Variants in TENM2 observed in about 807,000 individuals in gnomAD.
TENM2 encodes teneurin transmembrane protein 2, also known as teneurin-2.
TENM2 carries 52 observed loss-of-function variants against 245.2 expected under a neutral mutation model. That is an observed-to-expected ratio of 0.21 (90% CI 0.17 to 0.27). The LOEUF (loss-of-function observed/expected upper bound fraction) is 0.27, where lower values mean the gene tolerates loss of function less well. Among genes scored for constraint, TENM2 ranks in the 10% least tolerant of loss-of-function variants. The pLI is 1.00. For missense variants in TENM2, 3,046 were observed against 3,666.8 expected, an observed-to-expected ratio of 0.83 and a Z score of 4.37; for synonymous variants, 1,363 against 1,438.9, an observed-to-expected ratio of 0.95 and a Z score of 1.19.
intron 2 of TENM2, among the ~76,000 whole-genome samples, chr5:167,577,922 G>A (rs909291173): frequency 3.3e-5 from 5 of 152,230 alleles, no homozygotes; most frequent in African/African-American, 7.2e-5. Context: ...AAAGGTCGCT[G>A]CAGGTTGAGA....
intron 7 of TENM2, among the ~76,000 whole-genome samples, chr5:168,086,801 A>T (rs1327729450): frequency 6.6e-6 from 1 of 152,210 alleles, no homozygotes. Context: ...CCCCAATACT[A>T]AGCCTGAGTT....
chr5:167,804,311 C>A (rs1334933268), intron 2 of TENM2, among the ~76,000 whole-genome samples: 1 of 151,846 alleles, frequency 6.6e-6, no homozygotes, highest in South Asian at 2.1e-4. Context: ...AAAAGATAAC[C>A]CTTTCTTGCC....
At chr5:167,739,655 C>T (rs1208248207) in intron 2 of TENM2, among the ~76,000 whole-genome samples, 1 of 152,174 alleles carries the variant, frequency 6.6e-6, no homozygotes, top group Non-Finnish European at 1.5e-5. Context: ...TTCAAGGAAG[C>T]AGTAAGGACC....
At chr5:167,238,658 A>G in the TENM2 span, among the ~76,000 whole-genome samples, 14 of 150,458 alleles carry the variant, frequency 9.3e-5, no homozygotes, top group African/African-American at 3.2e-4. Context: ...GAATGACTAG[A>G]TAAGTTGGCC....
the TENM2 span, among the ~76,000 whole-genome samples, chr5:167,270,079 G>A: frequency 6.6e-6 from 1 of 152,272 alleles, no homozygotes. Context: ...ATTTAAGAAT[G>A]AGTGATGTAG....
intron 7 of TENM2, among the ~76,000 whole-genome samples, chr5:168,080,174 G>C (rs192670320): frequency 3.3e-5 from 5 of 152,172 alleles, no homozygotes; most frequent in East Asian, 1.9e-4. Flanking sequence ...TGTGTGTGTC[G>C]AGGAATTTAT....
chr5:167,685,508 G>T (rs1179845001), intron 2 of TENM2, among the ~76,000 whole-genome samples: 1 of 152,064 alleles, frequency 6.6e-6, no homozygotes, highest in Non-Finnish European at 1.5e-5. Flanking sequence ...CATGCTGTGG[G>T]AGGAAATGTA....
the TENM2 span, among the ~76,000 whole-genome samples, chr5:167,077,103 A>G: frequency 6.6e-6 from 1 of 152,130 alleles, no homozygotes; most frequent in Non-Finnish European, 1.5e-5. Flanking sequence ...TGGGATTACA[A>G]CCATGAGCCA....
intron 2 of TENM2, among the ~76,000 whole-genome samples, chr5:167,580,708 G>A (rs919182787): frequency 2.0e-5 from 3 of 152,254 alleles, no homozygotes; most frequent in Admixed American, 2.0e-4. Context: ...CAAAACTTGA[G>A]GCTGGGCTCA....
chr5:167,282,730 G>A (rs919747150), upstream of TENM2, among the ~76,000 whole-genome samples: 3 of 152,114 alleles, frequency 2.0e-5, no homozygotes, highest in Non-Finnish European at 2.9e-5. Context: ...GACTTCAATG[G>A]CCATGCTCTT....
At chr5:167,581,078 T>C (rs947029219) in intron 2 of TENM2, among the ~76,000 whole-genome samples, 1 of 152,196 alleles carries the variant, frequency 6.6e-6, no homozygotes, top group African/African-American at 2.4e-5. Flanking sequence ...ACTTTCATAA[T>C]CCTGTGGTTA....
intron 2 of TENM2, among the ~76,000 whole-genome samples, chr5:167,504,768 C>T (rs1247890507): frequency 2.0e-5 from 3 of 152,132 alleles, no homozygotes; most frequent in Non-Finnish European, 4.4e-5. Flanking sequence ...TCCTGTTACT[C>T]GCAAGAGGTA....
At chr5:167,059,473 T>A in the TENM2 span, among the ~76,000 whole-genome samples, 2 of 152,176 alleles carry the variant, frequency 1.3e-5, no homozygotes, top group East Asian at 1.9e-4. Flanking sequence ...TACCTTGTAG[T>A]TGAGGTGCCA....
At chr5:168,256,090 C>CTGTAATT (rs1463615312) in intron 27 of TENM2, among the ~76,000 whole-genome samples, 13 of 152,078 alleles carry the variant, frequency 8.5e-5, no homozygotes. Flanking sequence ...AGGCGTGAGC[C>CTGTAATT]ACCGCGCCTG....
intron 2 of TENM2, among the ~76,000 whole-genome samples, chr5:167,792,442 GT>G (rs1218034573): frequency 1.3e-5 from 2 of 152,002 alleles, no homozygotes; most frequent in East Asian, 3.9e-4. Context: ...TGTAGCACAG[GT>G]GCGGAAAGAT....
intron 5 of TENM2, among the ~76,000 whole-genome samples, chr5:168,018,614 G>T (rs2151895851): frequency 6.6e-6 from 1 of 152,228 alleles, no homozygotes; most frequent in South Asian, 2.1e-4. Flanking sequence ...ATAGGAGGGA[G>T]GAGAGAGGAG....
intron 1 of TENM2, among the ~76,000 whole-genome samples, chr5:167,286,453 G>T (rs563277915): frequency 3.2e-4 from 48 of 152,130 alleles, no homozygotes; most frequent in Non-Finnish European, 5.9e-4. Flanking sequence ...ATTTCAGGTA[G>T]TGGCAATTGG....
chr5:167,927,138 A>G (rs1434485079), intron 3 of TENM2, among the ~76,000 whole-genome samples: 1 of 152,058 alleles, frequency 6.6e-6, no homozygotes, highest in Non-Finnish European at 1.5e-5. Context: ...AGAGAGAAAA[A>G]CAGAGGTGTT....
At chr5:167,275,522 C>T in the TENM2 span, among the ~76,000 whole-genome samples, 1 of 151,968 alleles carries the variant, frequency 6.6e-6, no homozygotes, top group East Asian at 1.9e-4. Flanking sequence ...TTTAGATCTT[C>T]TATAATTTCT....
Sources: allele counts gnomAD v4.1 joint callset (sites outside exome capture counted in the v4.1 genomes callset), GRCh38; gene constraint gnomAD v4.1.1; transcripts MANE v1.5; gene names NCBI Gene and HGNC (gene_info 2026-07-23, HGNC 2026-07-21).